Variants in MNAT1 observed in about 807,000 individuals in gnomAD.
MNAT1 encodes CDK-activating kinase assembly factor MAT1.
Under a neutral mutation model 42.0 loss-of-function variants are expected in MNAT1, and 43 were observed. The ratio of observed to expected loss-of-function variants is 1.02; its 90% CI spans 0.80 to 1.32. The LOEUF (loss-of-function observed/expected upper bound fraction) is 1.32. Ranked by LOEUF, MNAT1 falls within the 40% of genes most tolerant of loss-of-function variation. The pLI, the probability that MNAT1 is intolerant of heterozygous loss-of-function variation, is 0.00. For synonymous variants in MNAT1, 118 were observed against 120.0 expected, an observed-to-expected ratio of 0.98 and a Z score of 0.11; for missense variants, 306 against 350.4, an observed-to-expected ratio of 0.87 and a Z score of 1.01.
At chr14:60,808,299 A>C (rs746551858) in intron 3 of MNAT1, 26 bp from the exon 4 acceptor site, 4 of 1,372,482 alleles carry the variant, frequency 2.9e-6, no homozygotes, top group South Asian at 2.7e-5. Context: ...AATATTTTTC[A>C]TGTCATCGTT....
At chr14:60,809,874 A>G (rs1013721718) in intron 4 of MNAT1, among the ~76,000 whole-genome samples, 12 of 152,140 alleles carry the variant, frequency 7.9e-5, no homozygotes, top group South Asian at 2.1e-4. Context: ...CTGGCTTCAT[A>G]AAATGAGTTT....
intron 7 of MNAT1, among the ~76,000 whole-genome samples, chr14:60,927,507 T>G (rs1022071938): frequency 5.9e-5 from 9 of 152,224 alleles, no homozygotes; most frequent in African/African-American, 2.2e-4. Flanking sequence ...CAGGGCCCCA[T>G]GCCCAGAAAG....
intron 3 of MNAT1, 40 bp downstream of exon 3, chr14:60,798,200 T>A (rs778761931): frequency 4.7e-6 from 5 of 1,069,396 alleles, no homozygotes; most frequent in Non-Finnish European, 7.0e-6. Context: ...TATAAGACCA[T>A]GTGCTTTTAT....
At chr14:60,796,816 A>G (rs1199485521) in intron 2 of MNAT1, among the ~76,000 whole-genome samples, 3 of 152,178 alleles carry the variant, frequency 2.0e-5, no homozygotes, top group African/African-American at 7.2e-5. Flanking sequence ...ATAGTGCTAT[A>G]TAGTTAGTGA....
chr14:60,812,291 TA>T (rs1445547530), intron 5 of MNAT1, among the ~76,000 whole-genome samples, 164 bp downstream of exon 5: 1 of 152,220 alleles, frequency 6.6e-6, no homozygotes, highest in African/African-American at 2.4e-5. Flanking sequence ...TATTGCTGAA[TA>T]AGAGGTTGCC....
chr14:60,908,928 C>T (rs145132507), intron 7 of MNAT1, among the ~76,000 whole-genome samples: 16 of 152,334 alleles, frequency 1.1e-4, no homozygotes, highest in African/African-American at 3.4e-4. Flanking sequence ...AACTGGTTTA[C>T]AGTCCCACCA....
intron 1 of MNAT1, among the ~76,000 whole-genome samples, chr14:60,735,988 G>A (rs1896295139): frequency 6.6e-6 from 1 of 152,184 alleles, no homozygotes; most frequent in African/African-American, 2.4e-5. Flanking sequence ...CAATGACAGG[G>A]TCTTTAGGTA....
chr14:60,955,010 G>A (rs1414919852), intron 7 of MNAT1, among the ~76,000 whole-genome samples: 7 of 152,032 alleles, frequency 4.6e-5, no homozygotes, highest in African/African-American at 1.7e-4. Context: ...TTAATGTGGT[G>A]TATCATTTTC....
At chr14:60,911,561 C>T (rs2035364687) in intron 7 of MNAT1, among the ~76,000 whole-genome samples, 1 of 152,146 alleles carries the variant, frequency 6.6e-6, no homozygotes, top group South Asian at 2.1e-4. Flanking sequence ...ATCTTTATTT[C>T]TGCCTTCATT....
chr14:60,770,299 A>G (rs978096118), intron 1 of MNAT1, among the ~76,000 whole-genome samples: 1 of 152,122 alleles, frequency 6.6e-6, no homozygotes, highest in Non-Finnish European at 1.5e-5. Context: ...TTCATTATAT[A>G]TATATAGTAT....
intron 7 of MNAT1, among the ~76,000 whole-genome samples, chr14:60,890,171 A>G (rs1191501667): frequency 6.6e-6 from 1 of 152,210 alleles, no homozygotes; most frequent in East Asian, 1.9e-4. Context: ...TTGCGGCACT[A>G]TTCACAATAG....
chr14:60,736,498 TAA>T (rs1301069446), intron 1 of MNAT1, among the ~76,000 whole-genome samples: 1 of 152,250 alleles, frequency 6.6e-6, no homozygotes, highest in Non-Finnish European at 1.5e-5. Flanking sequence ...TGTTAAGATC[TAA>T]GAGTTAAGAC....
rs747063133 is a variant in MNAT1 at position 60,796,364 on chromosome 14, A to G, written c.237A>G (p.Leu79=). 1 of 1,612,112 alleles carries G rather than the reference A, an allele frequency of 6.2e-7. No homozygotes were observed. The highest frequency in any genetic ancestry group is 8.5e-7 in the Non-Finnish European group (1 of 1,179,102). The change falls in exon 2 of 8, where the codon CTA becomes CTG. Residue 79 remains leucine (L), a synonymous_variant. Transcript: ENST00000261245. The part of the protein sequence containing the change: ...DKEVEIRKKV[L]KIYNKREEDF... Reference sequence around the variant, plus strand: ...AGGTTGAGATCAGGAAAAAAGTGCTAAAGATGTAAGTATTCCTGCTCGAAT... The same window carrying G: ...AGGTTGAGATCAGGAAAAAAGTGCTGAAGATGTAAGTATTCCTGCTCGAAT...
At chr14:60,910,597 C>T (rs566889762) in intron 7 of MNAT1, among the ~76,000 whole-genome samples, 17 of 152,076 alleles carry the variant, frequency 1.1e-4, no homozygotes, top group Non-Finnish European at 2.1e-4. Context: ...GTTTTTTTGT[C>T]GTTGGTTCTG....
chr14:60,912,657 T>A (rs2139530837), intron 7 of MNAT1, among the ~76,000 whole-genome samples: 1 of 152,372 alleles, frequency 6.6e-6, no homozygotes, highest in African/African-American at 2.4e-5. Flanking sequence ...GCCCCCACTG[T>A]CTTCTGGCTT....
chr14:60,941,798 A>G (rs2036166787), intron 7 of MNAT1, among the ~76,000 whole-genome samples: 1 of 151,396 alleles, frequency 6.6e-6, no homozygotes. Flanking sequence ...AGGTCAGGAG[A>G]TGGAGACCAT....
chr14:60,917,783 C>G (rs571783070), intron 7 of MNAT1, among the ~76,000 whole-genome samples: 1 of 151,908 alleles, frequency 6.6e-6, no homozygotes, highest in Admixed American at 6.6e-5. Flanking sequence ...CCACCACACC[C>G]GGCTAACTTT....
chr14:60,869,769 A>G (rs1436972274), intron 6 of MNAT1, among the ~76,000 whole-genome samples: 1 of 152,146 alleles, frequency 6.6e-6, no homozygotes, highest in African/African-American at 2.4e-5. Flanking sequence ...TCAACAATCT[A>G]TATACTAATT....
intron 6 of MNAT1, among the ~76,000 whole-genome samples, chr14:60,852,198 G>A (rs1403093981): frequency 1.3e-5 from 2 of 152,128 alleles, no homozygotes; most frequent in East Asian, 3.9e-4. Flanking sequence ...AGCATCTATT[G>A]TTTCCTGACT....
Sources: allele counts gnomAD v4.1 joint callset (sites outside exome capture counted in the v4.1 genomes callset), GRCh38; gene constraint gnomAD v4.1.1; transcripts MANE v1.5; gene names NCBI Gene and HGNC (gene_info 2026-07-23, HGNC 2026-07-21).